The following PDS5A variants were observed in gnomAD, a reference collection of about 807,000 sequenced individuals.
PDS5A encodes PDS5 cohesin associated factor A, also known as sister chromatid cohesion protein PDS5 homolog A.
PDS5A carries 42 observed loss-of-function variants against 167.1 expected under a neutral mutation model. That is an observed-to-expected ratio of 0.25 (90% CI 0.20 to 0.33). The LOEUF (loss-of-function observed/expected upper bound fraction) is 0.33, where lower values mean the gene tolerates loss of function less well. Among genes scored for constraint, PDS5A ranks in the 10% least tolerant of loss-of-function variants. The pLI is 1.00. For missense variants in PDS5A, 1,033 were observed against 1,605.9 expected (o/e 0.64, Z 6.10); for synonymous variants, 553 against 554.6 (o/e 1.00, Z 0.04).
chr4:39,857,476 AAC>A (rs1718633465), intron 26 of PDS5A, among the ~76,000 whole-genome samples: 1 of 152,204 alleles, frequency 6.6e-6, no homozygotes, highest in East Asian at 1.9e-4. Flanking sequence ...TTCAACAAAA[AAC>A]AAATAAGACA....
chr4:39,898,722 A>G, intron 15 of PDS5A, 55 bp downstream of exon 15: 1 of 1,108,884 alleles, frequency 9.0e-7, no homozygotes, highest in Non-Finnish European at 1.3e-6. Flanking sequence ...CTGGGTAAAT[A>G]CTTTGTCTGC....
At chr4:39,841,162 CAG>C (rs1396112536) in intron 31 of PDS5A, among the ~76,000 whole-genome samples, 4 of 152,254 alleles carry the variant, frequency 2.6e-5, no homozygotes, top group Admixed American at 6.5e-5. Context: ...TTTTTTGAGA[CAG>C]AGTCTCGCTC....
At chr4:39,902,585 C>G (rs562789676) in intron 12 of PDS5A, 125 bp from the exon 13 acceptor site, 213 of 521,658 alleles carry the variant, frequency 4.1e-4, no homozygotes, top group African/African-American at 4.0e-3. Context: ...TACAGTGGTG[C>G]AAACTCGGCT....
intron 16 of PDS5A, among the ~76,000 whole-genome samples, chr4:39,897,172 T>TCAC (rs1722488349): frequency 6.6e-6 from 1 of 152,126 alleles, no homozygotes; most frequent in Non-Finnish European, 1.5e-5. Flanking sequence ...GGTGGGTGGA[T>TCAC]CACCTGAGGT....
chr4:39,945,458 C>CAAAAAAAAAAAAAAAAAAA (rs1210256217), intron 2 of PDS5A, among the ~76,000 whole-genome samples: 1 of 66,822 alleles, frequency 1.5e-5, no homozygotes, highest in Admixed American at 1.9e-4. Flanking sequence ...GAGACTGCCT[C>CAAAAAAAAAAAAAAAAAAA]AAAAAAAAAA....
chr4:39,870,519 C>T (rs1207072928), intron 21 of PDS5A, among the ~76,000 whole-genome samples: 6 of 151,912 alleles, frequency 3.9e-5, no homozygotes, highest in South Asian at 2.1e-4. Context: ...GCCTGGGAAG[C>T]GGAGGTTGTG....
At chr4:39,973,307 G>T in intron 2 of PDS5A, 1 of 1,606,374 alleles carries the variant, frequency 6.2e-7, no homozygotes, top group Non-Finnish European at 8.5e-7. Context: ...GCAGTCAAAG[G>T]TTCCTGACCT....
At position 39,833,281 on chromosome 4, in the gene PDS5A, G is replaced by A. The variant is rs1437947804; in HGVS notation, c.4010+4575C>T. ...TTCTGCTAAAATTGAAGCAAGAAAAGCATCAAATGTCTGGTGAAGCTTGGG... is the reference window on the plus strand; with the variant it reads ...TTCTGCTAAAATTGAAGCAAGAAAAACATCAAATGTCTGGTGAAGCTTGGG... On this transcript the variant is annotated intron_variant, in intron 32 of 32. Transcript: ENST00000303538. 2.7e-5 allele frequency among the ~76,000 whole-genome samples: 4 copies of A among 148,988 alleles called. No homozygotes were observed. The South Asian group carries it at 6.4e-4, about 24-fold the overall frequency.
intron 2 of PDS5A, among the ~76,000 whole-genome samples, chr4:39,934,521 T>G (rs971688808): frequency 6.6e-6 from 1 of 152,162 alleles, no homozygotes; most frequent in South Asian, 2.1e-4. Context: ...ATTAAACAAT[T>G]TCTTGGTAAG....
At chr4:39,963,706 C>T (rs1352085628) in intron 2 of PDS5A, among the ~76,000 whole-genome samples, 1 of 151,860 alleles carries the variant, frequency 6.6e-6, no homozygotes, top group African/African-American at 2.4e-5. Flanking sequence ...GTGGTGCATG[C>T]TTGTGGTCTC....
chr4:39,949,267 A>G, intron 2 of PDS5A, among the ~76,000 whole-genome samples: 1 of 131,116 alleles, frequency 7.6e-6, no homozygotes, highest in Non-Finnish European at 1.5e-5. Context: ...GAGCCACTAC[A>G]TTTTAGCGTG....
chr4:39,957,818 C>A (rs1020930079), intron 2 of PDS5A, among the ~76,000 whole-genome samples: 8 of 150,926 alleles, frequency 5.3e-5, no homozygotes, highest in Admixed American at 4.6e-4. Flanking sequence ...AAATGGATTC[C>A]TGTACAAACA....
intron 2 of PDS5A, among the ~76,000 whole-genome samples, chr4:39,950,190 C>A (rs569094087): frequency 6.6e-6 from 1 of 152,072 alleles, no homozygotes; most frequent in Non-Finnish European, 1.5e-5. Flanking sequence ...TGTGAGCCAC[C>A]GCACCCAGCC....
Position 39,925,773 on chromosome 4 carries a change from T to C in PDS5A, c.527+63A>G, listed in dbSNP as rs927130714. The C allele has an allele frequency of 2.4e-5, 14 of 590,132 alleles. No homozygotes were observed. In the East Asian group the frequency reaches 4.4e-4, roughly 18 times the overall value. 36.6% of individuals were successfully genotyped at this position (590,132 alleles called of 1,614,324 possible). ...AATATCTTAGTGTACATGTAGAGTA[T>C]ACAACATCTGAATACATAATCAAGA... On this transcript the variant is annotated intron_variant, in intron 5 of 32. Transcript: ENST00000303538.
Position 39,873,126 on chromosome 4 carries a change from T to C in PDS5A, c.2296A>G (p.Asn766Asp). The change falls in exon 21 of 33, where the codon AAT (asparagine) becomes GAT (aspartate). Residue 766 changes from asparagine (N) to aspartate (D), a missense_variant. Coordinates refer to ENST00000303538, the MANE Select transcript of PDS5A (RefSeq NM_001100399.2). Reference protein sequence around the residue: ...QIFEPLSRSLNADVPEQLITP... With the variant: ...QIFEPLSRSLDADVPEQLITP... ...ATAAGTTGTTCTGGCACATCAGCAT[T>C]CAGACTCCTACTGAGTGGCTATAAA... The C allele has an allele frequency of 6.6e-7, 1 of 1,517,928 alleles. No homozygotes were observed. The highest frequency in any genetic ancestry group is 9.0e-7 in the Non-Finnish European group (1 of 1,116,248). The allele number at this position is 1,517,928 out of a possible 1,614,324, so 94.0% of individuals were successfully genotyped here.
chr4:39,935,636 C>A (rs1426545948), intron 2 of PDS5A, among the ~76,000 whole-genome samples: 1 of 151,940 alleles, frequency 6.6e-6, no homozygotes, highest in Non-Finnish European at 1.5e-5. Flanking sequence ...TTTTCTGTGC[C>A]CTTTTACCAA....
Position 39,910,335 on chromosome 4 carries a change from A to G in PDS5A, c.996T>C (p.Phe332=), listed in dbSNP as rs762953006. The G allele has an allele frequency of 4.8e-6, 7 of 1,456,402 alleles. 1 individual carries two copies. In the East Asian group the frequency reaches 1.1e-4, roughly 24 times the overall value. 90.2% of individuals were successfully genotyped at this position (1,456,402 alleles called of 1,614,324 possible). Residue 332 remains phenylalanine (F), a synonymous_variant, in exon 10 of 33, where the codon TTT becomes TTC. Transcript: ENST00000303538. ...ATCTCACAGGAACATGAATATCATT[A>G]AATCTACACAGAAAAAGATTGCTAA... is the stretch of plus-strand genomic sequence containing the variant. ...RPLWQCFLGR[F]NDIHVPVRLE...
At chr4:39,973,031 ATATTTTG>A in intron 2 of PDS5A, 1 of 572,364 alleles carries the variant, frequency 1.7e-6, no homozygotes, top group Non-Finnish European at 3.1e-6. Flanking sequence ...AATTTATTTT[ATATTTTG>A]CAATTTTTTT....
At chr4:39,862,122 T>C (rs1349746356) in intron 26 of PDS5A, 97 bp downstream of exon 26, 2 of 468,698 alleles carry the variant, frequency 4.3e-6, no homozygotes, top group Admixed American at 7.7e-5. Context: ...ATTCTAATTC[T>C]AATGTAAATA....
Sources: allele counts gnomAD v4.1 joint callset (sites outside exome capture counted in the v4.1 genomes callset), GRCh38; gene constraint gnomAD v4.1.1; transcripts MANE v1.5; gene names NCBI Gene and HGNC (gene_info 2026-07-23, HGNC 2026-07-21).